Variants in XKR6 observed in about 807,000 individuals in gnomAD.
The protein encoded by XKR6 is XK related 6.
In XKR6, 22 loss-of-function variants were observed where a neutral mutation model predicts 56.7. The ratio of observed to expected loss-of-function variants is 0.39; its 90% CI spans 0.28 to 0.55. The LOEUF (loss-of-function observed/expected upper bound fraction) is 0.55, where lower values mean the gene tolerates loss of function less well. Among genes scored for constraint, XKR6 ranks in the 20% least tolerant of loss-of-function variants. The pLI is 0.66. For missense variants in XKR6, 852 were observed against 889.0 expected (o/e 0.96, Z 0.53); for synonymous variants, 524 against 387.8 (o/e 1.35, Z -4.13).
At chr8:11,071,389 G>A (rs768937356) in intron 1 of XKR6, among the ~76,000 whole-genome samples, 7 of 152,248 alleles carry the variant, frequency 4.6e-5, no homozygotes, top group South Asian at 4.2e-4. Context: ...ACAGGCACGC[G>A]CCACCATGCC....
intron 2 of XKR6, among the ~76,000 whole-genome samples, chr8:10,911,294 A>G (rs1800354766): frequency 6.8e-6 from 1 of 147,224 alleles, no homozygotes; most frequent in African/African-American, 2.5e-5. Flanking sequence ...GTGAGATTGT[A>G]TATATATGTG....
intron 1 of XKR6, among the ~76,000 whole-genome samples, chr8:10,969,401 G>A (rs1802332113): frequency 6.6e-6 from 1 of 152,176 alleles, no homozygotes; most frequent in African/African-American, 2.4e-5. Context: ...AGGAACTCCG[G>A]GAAAAGGACT....
At chr8:10,972,884 C>T (rs777045594) in intron 1 of XKR6, among the ~76,000 whole-genome samples, 39 of 152,168 alleles carry the variant, frequency 2.6e-4, no homozygotes, top group African/African-American at 6.5e-4. Flanking sequence ...GTATATTTTA[C>T]GATAATGAAA....
intron 1 of XKR6, among the ~76,000 whole-genome samples, chr8:10,972,572 G>A (rs1802439356): frequency 6.6e-6 from 1 of 152,206 alleles, no homozygotes; most frequent in Admixed American, 6.5e-5. Flanking sequence ...AACATGGGTA[G>A]ACCTTGAGGG....
At chr8:10,926,569 A>C (rs562008754) in intron 1 of XKR6, among the ~76,000 whole-genome samples, 1 of 152,326 alleles carries the variant, frequency 6.6e-6, no homozygotes, top group South Asian at 2.1e-4. Context: ...TGATGGCCCC[A>C]TCAGGGAGGG....
intron 1 of XKR6, among the ~76,000 whole-genome samples, chr8:11,186,671 C>T (rs184663654): frequency 2.6e-3 from 398 of 152,300 alleles, no homozygotes; most frequent in Non-Finnish European, 4.5e-3. Flanking sequence ...TGAGACACCA[C>T]GCCTGGCCCA....
chr8:11,176,576 T>C (rs1014150311), intron 1 of XKR6, among the ~76,000 whole-genome samples: 1 of 152,148 alleles, frequency 6.6e-6, no homozygotes, highest in African/African-American at 2.4e-5. Context: ...TTCCTAAATA[T>C]TAAGATACTG....
chr8:11,002,065 TAAA>T (rs541621602), intron 1 of XKR6, among the ~76,000 whole-genome samples: 4 of 127,074 alleles, frequency 3.1e-5, no homozygotes, highest in Non-Finnish European at 5.1e-5. Context: ...CCATGTGAGT[TAAA>T]AAAAAAAAAA....
chr8:10,993,886 C>A (rs556144842), intron 1 of XKR6, among the ~76,000 whole-genome samples: 1 of 152,304 alleles, frequency 6.6e-6, no homozygotes, highest in South Asian at 2.1e-4. Flanking sequence ...AGCCTCAGCC[C>A]ACCCCATGGC....
At chr8:11,152,016 T>C (rs1251763666) in intron 1 of XKR6, among the ~76,000 whole-genome samples, 1 of 152,186 alleles carries the variant, frequency 6.6e-6, no homozygotes, top group Admixed American at 6.5e-5. Context: ...ACAATAGTAA[T>C]CACCAAACTT....
intron 1 of XKR6, among the ~76,000 whole-genome samples, chr8:11,113,010 T>G (rs1399525535): frequency 6.6e-6 from 1 of 152,182 alleles, no homozygotes; most frequent in Non-Finnish European, 1.5e-5. Flanking sequence ...TAAAGATGAC[T>G]TTTAAAAAAT....
intron 1 of XKR6, among the ~76,000 whole-genome samples, chr8:11,149,265 C>T (rs1801146043): frequency 6.6e-6 from 1 of 152,212 alleles, no homozygotes; most frequent in South Asian, 2.1e-4. Context: ...CAGCCTATTG[C>T]TCCTAGGCTA....
At chr8:11,099,967 AC>A (rs1192932558) in intron 1 of XKR6, among the ~76,000 whole-genome samples, 1 of 152,190 alleles carries the variant, frequency 6.6e-6, no homozygotes, top group Admixed American at 6.5e-5. Context: ...GCCCTGAGGC[AC>A]GGGGGAGTAG....
At chr8:10,988,163 C>T (rs768115780) in intron 1 of XKR6, among the ~76,000 whole-genome samples, 4 of 152,172 alleles carry the variant, frequency 2.6e-5, no homozygotes, top group Non-Finnish European at 4.4e-5. Context: ...TTGCCCCTTA[C>T]CCCCACTTAA....
chr8:11,168,941 C>A (rs1802225984), intron 1 of XKR6, among the ~76,000 whole-genome samples: 1 of 152,182 alleles, frequency 6.6e-6, no homozygotes, highest in African/African-American at 2.4e-5. Flanking sequence ...CCTGTGGGCA[C>A]TTTGCTTTCC....
intron 1 of XKR6, among the ~76,000 whole-genome samples, chr8:11,033,568 G>A (rs1336864345): frequency 6.6e-6 from 1 of 152,106 alleles, no homozygotes; most frequent in Non-Finnish European, 1.5e-5. Flanking sequence ...GATGATTATG[G>A]TGATGGTGAT....
At chr8:11,194,271 G>C (rs1167619364) in intron 1 of XKR6, among the ~76,000 whole-genome samples, 1 of 152,132 alleles carries the variant, frequency 6.6e-6, no homozygotes, top group African/African-American at 2.4e-5. Context: ...ATAAATATGA[G>C]GAAACTGAGG....
chr8:11,190,275 G>C (rs1356023183), intron 1 of XKR6, among the ~76,000 whole-genome samples: 3 of 151,456 alleles, frequency 2.0e-5, no homozygotes, highest in Admixed American at 1.3e-4. Flanking sequence ...GAAAAGAAAA[G>C]AAAGGAAAAT....
chr8:11,064,011 CT>C (rs1799914474), intron 1 of XKR6, among the ~76,000 whole-genome samples: 1 of 152,170 alleles, frequency 6.6e-6, no homozygotes, highest in African/African-American at 2.4e-5. Flanking sequence ...TTCATACAAC[CT>C]TCCGAAGTTC....
Sources: gnomAD v4.1 joint callset for allele counts (sites outside exome capture counted in the v4.1 genomes callset) on GRCh38, gnomAD v4.1.1 for gene constraint, MANE v1.5 for transcripts, NCBI Gene and HGNC (gene_info 2026-07-23, HGNC 2026-07-21) for gene names.